The following ZSCAN20 variants were observed in gnomAD, a reference collection of about 807,000 sequenced individuals.
ZSCAN20 encodes the protein zinc finger and SCAN domain-containing protein 20.
ZSCAN20 carries 39 observed loss-of-function variants against 97.1 expected under a neutral mutation model. The ratio of observed to expected loss-of-function variants is 0.40; its 90% CI spans 0.31 to 0.52. The LOEUF is 0.52. Ranked by LOEUF, ZSCAN20 falls within the 20% of genes least tolerant of loss-of-function variation. The pLI is 0.49. For synonymous variants in ZSCAN20, 456 were observed against 467.3 expected, an observed-to-expected ratio of 0.98 and a Z score of 0.31; for missense variants, 1,115 against 1,290.4, an observed-to-expected ratio of 0.86 and a Z score of 2.08.
chr1:33,479,108 A>C, intron 1 of ZSCAN20, 71 bp from the exon 2 acceptor site: 1 of 613,254 alleles, frequency 1.6e-6, no homozygotes, highest in Non-Finnish European at 2.7e-6. Flanking sequence ...GGCGGAAGAT[A>C]TGGGGGAAGG....
intron 2 of ZSCAN20, among the ~76,000 whole-genome samples, chr1:33,483,330 G>T: frequency 6.7e-6 from 1 of 149,718 alleles, no homozygotes. Context: ...TATTACCTTT[G>T]CTCGTTTATC....
chr1:33,478,107 G>A (rs1427503596), intron 1 of ZSCAN20, among the ~76,000 whole-genome samples: 1 of 152,162 alleles, frequency 6.6e-6, no homozygotes, highest in Non-Finnish European at 1.5e-5. Context: ...ACTTGGGTAA[G>A]GCTTGTGCTT....
Position 33,494,489 on chromosome 1 carries a change from C to A in ZSCAN20, c.2145C>A (p.Cys715Ter). Residue 715 changes from cysteine (C) to a stop codon, truncating the protein, a stop_gained, in exon 8 of 8, where the codon TGC (cysteine) becomes TGA (stop). Coordinates refer to ENST00000684572, the MANE Select transcript of ZSCAN20 (RefSeq NM_001377376.1). LOFTEE classifies it high-confidence loss of function. Reference sequence around the variant, plus strand: ...AGAAACCCTACAAGTGTGACACATGCATGAAGAGCTTCAGTCGGAGCTCCC... The same window carrying A: ...AGAAACCCTACAAGTGTGACACATGAATGAAGAGCTTCAGTCGGAGCTCCC... ...LAEKPYKCDT[C>*]MKSFSRSSHF... The A allele has an allele frequency of 6.2e-7, 1 of 1,614,236 alleles. No individual in the cohort carries two copies. Among genetic ancestry groups the A allele is most frequent in the South Asian group, 1.1e-5 (1 of 91,090 alleles).
At chr1:33,474,667 C>CAT (rs1278834462) in intron 1 of ZSCAN20, among the ~76,000 whole-genome samples, 3 of 152,162 alleles carry the variant, frequency 2.0e-5, no homozygotes, top group Non-Finnish European at 4.4e-5. Flanking sequence ...TGAAGTCCAC[C>CAT]ATCATGCTTT....
intron 2 of ZSCAN20, among the ~76,000 whole-genome samples, chr1:33,483,113 AT>A (rs1168553088): frequency 6.6e-6 from 1 of 152,008 alleles, no homozygotes; most frequent in Admixed American, 6.6e-5. Flanking sequence ...TATGCCTTTG[AT>A]TTTGTATCTG....
intron 6 of ZSCAN20, chr1:33,492,094 T>G (rs1652641396): frequency 6.2e-6 from 1 of 162,104 alleles, no homozygotes; most frequent in African/African-American, 2.4e-5. Context: ...AGGTAAAGAG[T>G]GATGGCGAGT....
intron 2 of ZSCAN20, among the ~76,000 whole-genome samples, chr1:33,482,873 G>A (rs1652206016): frequency 6.6e-6 from 1 of 152,164 alleles, no homozygotes; most frequent in Non-Finnish European, 1.5e-5. Flanking sequence ...CTTTGGTGTG[G>A]TGACTGTTAA....
chr1:33,486,920 G>C (rs1203485712), intron 2 of ZSCAN20, among the ~76,000 whole-genome samples: 1 of 152,166 alleles, frequency 6.6e-6, no homozygotes, highest in Non-Finnish European at 1.5e-5. Context: ...TTCTCTGTGA[G>C]TGGATCTGAA....
Position 33,491,433 on chromosome 1 carries a change from GCAGCCACCCAC to G in ZSCAN20, c.1179_1189del (p.Ser393ArgfsTer7). The G allele has an allele frequency of 3.1e-6, 5 of 1,614,182 alleles. No individual in the cohort carries two copies. The highest frequency in any genetic ancestry group is 4.2e-6 in the Non-Finnish European group (5 of 1,180,022). ...CTACGGAATTACCGGAAAGCCAAGA[GCAGCCACCCAC>G]CAGGTACCTGCCCCTTCTATGAGGA... On this transcript the variant is annotated frameshift_variant, in exon 6 of 8. Coordinates refer to ENST00000684572, the MANE Select transcript of ZSCAN20 (RefSeq NM_001377376.1). LOFTEE classifies it high-confidence loss of function. This position sits in a 1 kb window ranked among gnomAD's most constrained non-coding sequence, Gnocchi z 4.3.
rs541949193 is a variant in ZSCAN20 at position 33,497,798 on chromosome 1, A to G, written c.*2322A>G. Among the ~76,000 whole-genome samples, 27 of 152,268 alleles carry G rather than the reference A, an allele frequency of 1.8e-4. 1 individual carries two copies. The highest frequency in any genetic ancestry group is 5.2e-4 in the Admixed American group (8 of 15,294). On this transcript the variant is annotated 3_prime_UTR_variant, in exon 8 of 8. Coordinates refer to ENST00000684572, the MANE Select transcript of ZSCAN20 (RefSeq NM_001377376.1). ...GCTAGAATGCCTTTGGTGACTGGGT[A>G]GAGCATGTCCTCATTCAGAATTGGG...
At chr1:33,473,532 C>T (rs555128502) in intron 1 of ZSCAN20, among the ~76,000 whole-genome samples, 57 of 152,222 alleles carry the variant, frequency 3.7e-4, no homozygotes, top group African/African-American at 1.3e-3. Flanking sequence ...TCTTCATGCA[C>T]CTCACACTCC....
At position 33,500,980 on chromosome 1, in the gene ZSCAN20, G is replaced by C. The variant is rs1484288797; in HGVS notation, c.*5504G>C. On this transcript the variant is annotated 3_prime_UTR_variant, in exon 8 of 8. Coordinates refer to ENST00000684572, the MANE Select transcript of ZSCAN20 (RefSeq NM_001377376.1). ...GAACACACTTGGCTTCAGTGCTTTG[G>C]GGGGATTCGTGGACCACAGAGAAGC... is the stretch of plus-strand genomic sequence containing the variant. 2.0e-5 allele frequency among the ~76,000 whole-genome samples: 3 copies of C among 152,106 alleles called. No individual in the cohort carries two copies. The highest frequency in any genetic ancestry group is 4.4e-5 in the Non-Finnish European group (3 of 68,014).
chr1:33,501,542 T>TA lies in ZSCAN20; in HGVS notation c.*6066_*6067insA, dbSNP rs1653072031. Among the ~76,000 whole-genome samples the TA allele has an allele frequency of 6.6e-6, 1 of 151,238 alleles. No homozygotes were observed. Among genetic ancestry groups the TA allele is most frequent in the Non-Finnish European group, 1.5e-5 (1 of 67,872 alleles). On this transcript the variant is annotated 3_prime_UTR_variant, in exon 8 of 8. Coordinates refer to ENST00000684572, the MANE Select transcript of ZSCAN20 (RefSeq NM_001377376.1). The stretch of plus-strand genomic sequence containing the variant: ...CACTTCCCCATTTTCTGTTATTTTT[T>TA]TTTTTTTTGTGCTGTTATGTACATC...
chr1:33,487,985 T>G (rs1283002696), intron 2 of ZSCAN20, among the ~76,000 whole-genome samples: 1 of 152,136 alleles, frequency 6.6e-6, no homozygotes, highest in Non-Finnish European at 1.5e-5. Context: ...TTTAAAAATT[T>G]TATTTTAAAA....
At chr1:33,473,451 A>G (rs1651806763) in intron 1 of ZSCAN20, among the ~76,000 whole-genome samples, 1 of 151,944 alleles carries the variant, frequency 6.6e-6, no homozygotes, top group Admixed American at 6.6e-5. Context: ...TCTGCTTGAA[A>G]ACTTTCATTG....
rs1057338265 is a variant in ZSCAN20, at chr1:33,496,712, C to G, written c.*1236C>G. Among the ~76,000 whole-genome samples the G allele has an allele frequency of 6.6e-6, 1 of 152,114 alleles. No individual in the cohort carries two copies. The highest frequency in any genetic ancestry group is 1.5e-5 in the Non-Finnish European group (1 of 68,030). ...AAGCAGAAGCTTTGTTCTTGGTCCC[C>G]ATGCCAAGACTGAGGTGGGAGGTGC... On this transcript the variant is annotated 3_prime_UTR_variant, in exon 8 of 8. Coordinates refer to ENST00000684572, the MANE Select transcript of ZSCAN20 (RefSeq NM_001377376.1).
chr1:33,477,918 C>G (rs1651997475), intron 1 of ZSCAN20, among the ~76,000 whole-genome samples: 1 of 151,682 alleles, frequency 6.6e-6, no homozygotes, highest in Non-Finnish European at 1.5e-5. Flanking sequence ...CAGGGAAGGC[C>G]TTACGGAAAA....
In ZSCAN20 at chr1:33,491,717, G is replaced by A; in HGVS notation, c.1444+15G>A. 6.5e-7 allele frequency: 1 copy of A among 1,544,252 alleles called. No individual in the cohort carries two copies. Among genetic ancestry groups the A allele is most frequent in the Non-Finnish European group, 8.7e-7 (1 of 1,148,362 alleles). ...GAGTCGTATTGGTAAGAACATGGGGGTTTAGTCAGATTCAGATTTCCAACC... is the reference window on the plus strand; with the variant it reads ...GAGTCGTATTGGTAAGAACATGGGGATTTAGTCAGATTCAGATTTCCAACC... On this transcript the variant is annotated intron_variant, in intron 6 of 7. Transcript: ENST00000684572. The surrounding 1 kb of genome is among the most constrained non-coding windows in gnomAD (Gnocchi z 4.3).
At chr1:33,488,744 G>A (rs143284285) in intron 3 of ZSCAN20, 93 bp downstream of exon 3, 3 of 1,403,560 alleles carry the variant, frequency 2.1e-6, no homozygotes, top group Non-Finnish European at 2.9e-6. Flanking sequence ...AGGATGTGCA[G>A]AATTCAAAGC....
Sources: gnomAD v4.1 joint callset for allele counts (sites outside exome capture counted in the v4.1 genomes callset) on GRCh38, gnomAD v4.1.1 for gene constraint, Gnocchi (gnomAD v3.1) non-coding constraint, MANE v1.5 for transcripts, NCBI Gene and HGNC (gene_info 2026-07-23, HGNC 2026-07-21) for gene names.